NPAS3: variants seen among roughly 807,000 people sequenced by gnomAD.
NPAS3 encodes neuronal PAS domain protein 3.
Under a neutral mutation model 73.1 loss-of-function variants are expected in NPAS3, and 14 were observed. The observed-to-expected ratio is 0.19, with a 90% CI of 0.13 to 0.30. The LOEUF is 0.30. Ranked by LOEUF, NPAS3 falls within the 10% of genes least tolerant of loss-of-function variation. NPAS3 has a pLI of 1.00. For missense variants in NPAS3, 1,096 were observed against 1,250.0 expected (o/e 0.88, Z 1.86); for synonymous variants, 620 against 541.5 (o/e 1.14, Z -2.01).
rs148427071 is a variant in NPAS3 at position 33,445,556 on chromosome 14, C to G, written c.468+78288C>G. 9.9e-3 allele frequency among the ~76,000 whole-genome samples: 1,514 copies of G among 152,214 alleles called. 7 individuals carry two copies. The highest frequency in any genetic ancestry group is 0.031 in the Middle Eastern group (9 of 294). On this transcript the variant is annotated intron_variant, in intron 4 of 11. Coordinates refer to ENST00000356141, the Ensembl canonical transcript of NPAS3. ...TGTTATACAATTGAAAAAACATTTC[C>G]AATAACAAAAAATATGTTGACACTA... is the stretch of plus-strand genomic sequence containing the variant.
chr14:33,707,381 G>C (rs2060686729), intron 6 of NPAS3, among the ~76,000 whole-genome samples: 1 of 149,834 alleles, frequency 6.7e-6, no homozygotes, highest in Non-Finnish European at 1.5e-5. Flanking sequence ...TTTAATATTT[G>C]TTGAGTGCCA....
upstream of NPAS3, among the ~76,000 whole-genome samples, chr14:32,936,905 C>A (rs1237057145): frequency 6.6e-6 from 1 of 151,404 alleles, no homozygotes; most frequent in Non-Finnish European, 1.5e-5. Flanking sequence ...GTCTCTGAAT[C>A]CCACTGCAGT....
At chr14:33,766,241 C>A (rs1029699006) in intron 7 of NPAS3, among the ~76,000 whole-genome samples, 1 of 152,130 alleles carries the variant, frequency 6.6e-6, no homozygotes, top group African/African-American at 2.4e-5. Context: ...ATAAGTTAGG[C>A]CTTGACTTCT....
chr14:33,156,950 A>G (rs2044668429), intron 2 of NPAS3, among the ~76,000 whole-genome samples: 1 of 152,224 alleles, frequency 6.6e-6, no homozygotes, highest in African/African-American at 2.4e-5. Context: ...CAGTATTTAT[A>G]AATATTGCTT....
intron 1 of NPAS3, among the ~76,000 whole-genome samples, chr14:33,042,201 A>T (rs182408118): frequency 2.6e-5 from 4 of 152,218 alleles, no homozygotes; most frequent in Admixed American, 2.0e-4. Context: ...TCCATGCAGC[A>T]CAATTCCTGT....
chr14:33,043,294 CT>C (rs2040403997), intron 1 of NPAS3, among the ~76,000 whole-genome samples: 1 of 151,422 alleles, frequency 6.6e-6, no homozygotes, highest in African/African-American at 2.5e-5. Context: ...AAATGCTATA[CT>C]AAACGATAAT....
intron 3 of NPAS3, among the ~76,000 whole-genome samples, chr14:33,283,328 A>G (rs896796175): frequency 2.6e-5 from 4 of 152,124 alleles, no homozygotes; most frequent in Admixed American, 2.6e-4. Context: ...TTAGCATTAC[A>G]TTTTTCTGTG....
chr14:32,995,015 C>T (rs1184611298), intron 1 of NPAS3, among the ~76,000 whole-genome samples: 1 of 152,108 alleles, frequency 6.6e-6, no homozygotes, highest in Non-Finnish European at 1.5e-5. Flanking sequence ...TGTTATTTCA[C>T]TAAAGAAACA....
At chr14:33,036,645 T>C (rs1246979104) in intron 1 of NPAS3, among the ~76,000 whole-genome samples, 1 of 152,206 alleles carries the variant, frequency 6.6e-6, no homozygotes, top group African/African-American at 2.4e-5. Flanking sequence ...TACAGCTCTC[T>C]GTCTAGTAAG....
At chr14:33,096,205 C>T (rs1178890144) in intron 2 of NPAS3, among the ~76,000 whole-genome samples, 1 of 151,396 alleles carries the variant, frequency 6.6e-6, no homozygotes, top group African/African-American at 2.4e-5. Context: ...CTGGTGTTAT[C>T]TTTTTAAAAA....
intron 3 of NPAS3, among the ~76,000 whole-genome samples, chr14:33,309,479 G>A (rs574465935): frequency 1.3e-5 from 2 of 152,338 alleles, no homozygotes; most frequent in South Asian, 2.1e-4. Flanking sequence ...TGGGCTGTGC[G>A]ACTCTGCTGC....
chr14:32,972,051 G>T (rs560270832), intron 1 of NPAS3, among the ~76,000 whole-genome samples: 1 of 145,792 alleles, frequency 6.9e-6, no homozygotes, highest in Non-Finnish European at 1.5e-5. Context: ...CCATTCTCTT[G>T]CCTCAGCCTC....
At chr14:32,939,623 C>CCA (rs1555373343) in intron 1 of NPAS3, among the ~76,000 whole-genome samples, 1 of 110,298 alleles carries the variant, frequency 9.1e-6, no homozygotes, top group Non-Finnish European at 1.8e-5. Flanking sequence ...GACTCACTGA[C>CCA]AAAAAAAAAA....
chr14:33,683,910 C>CTAAT (rs2060012007), intron 6 of NPAS3, among the ~76,000 whole-genome samples: 1 of 152,196 alleles, frequency 6.6e-6, no homozygotes, highest in African/African-American at 2.4e-5. Flanking sequence ...ACAGAAACCA[C>CTAAT]TAATTACAGG....
intron 3 of NPAS3, among the ~76,000 whole-genome samples, chr14:33,312,434 A>G (rs1037315549): frequency 6.6e-6 from 1 of 151,380 alleles, no homozygotes; most frequent in African/African-American, 2.4e-5. Context: ...ATTCAGCTAG[A>G]TAATCACACC....
chr14:33,670,796 A>G (rs941408972), intron 5 of NPAS3, among the ~76,000 whole-genome samples: 1 of 152,034 alleles, frequency 6.6e-6, no homozygotes, highest in Non-Finnish European at 1.5e-5. Flanking sequence ...TCCCTCAGGA[A>G]TGACCTTTGA....
chr14:33,182,836 T>G (rs530013408), intron 2 of NPAS3, among the ~76,000 whole-genome samples: 1 of 152,288 alleles, frequency 6.6e-6, no homozygotes, highest in Admixed American at 6.5e-5. Context: ...ACCAATTTTT[T>G]GGAAACAGCA....
At chr14:33,651,959 T>C (rs1362582185) in intron 5 of NPAS3, among the ~76,000 whole-genome samples, 1 of 152,196 alleles carries the variant, frequency 6.6e-6, no homozygotes, top group Non-Finnish European at 1.5e-5. Flanking sequence ...CTGCTACCCA[T>C]ACAACCAGTC....
chr14:33,159,414 G>A (rs1430993716), intron 2 of NPAS3, among the ~76,000 whole-genome samples: 1 of 152,044 alleles, frequency 6.6e-6, no homozygotes, highest in Non-Finnish European at 1.5e-5. Flanking sequence ...ACGTTTTCTT[G>A]TAGAATTATG....
Sources: allele counts gnomAD v4.1 joint callset (sites outside exome capture counted in the v4.1 genomes callset), GRCh38; gene constraint gnomAD v4.1.1; transcripts MANE v1.5; gene names NCBI Gene and HGNC (gene_info 2026-07-23, HGNC 2026-07-21).